Variants in SLC35F1 observed in about 807,000 individuals in gnomAD.
SLC35F1 encodes the protein chromosome 6 open reading frame 169.
In SLC35F1, 14 loss-of-function variants were observed where a neutral mutation model predicts 48.7. The ratio of observed to expected loss-of-function variants is 0.29; its 90% CI spans 0.19 to 0.45. The LOEUF (loss-of-function observed/expected upper bound fraction) is 0.45, where lower values mean the gene tolerates loss of function less well. SLC35F1 is among the 20% of genes least tolerant of loss of function. The pLI is 1.00. For missense variants in SLC35F1, 404 were observed against 500.0 expected, an observed-to-expected ratio of 0.81 and a Z score of 1.83; for synonymous variants, 190 against 202.2, an observed-to-expected ratio of 0.94 and a Z score of 0.51.
intron 1 of SLC35F1, among the ~76,000 whole-genome samples, chr6:118,147,247 G>A (rs145013765): frequency 6.6e-5 from 10 of 152,270 alleles, no homozygotes; most frequent in Non-Finnish European, 8.8e-5. Context: ...TCCCCTGCAC[G>A]TTCCAGTTGC....
In SLC35F1 at chr6:117,907,579, T is replaced by TGCCTCCCC. The variant is rs1775704460; in HGVS notation, c.-142_-135dup. 7.5e-6 allele frequency: 3 copies of TGCCTCCCC among 400,616 alleles called. No homozygotes were observed. The highest frequency in any genetic ancestry group is 1.3e-5 in the Non-Finnish European group (3 of 233,256). 24.8% of individuals were successfully genotyped at this position (400,616 alleles called of 1,614,324 possible). On this transcript the variant is annotated 5_prime_UTR_variant, in exon 1 of 8. Transcript: ENST00000360388. ...GGGCGGCGGCGGCCGTAGCCGCGGG[T>TGCCTCCCC]GCCTCCCCGCCTCACCGCTTCGCAG... is the stretch of plus-strand genomic sequence containing the variant.
chr6:118,035,192 C>G (rs1772108497), intron 1 of SLC35F1, among the ~76,000 whole-genome samples: 1 of 152,210 alleles, frequency 6.6e-6, no homozygotes, highest in African/African-American at 2.4e-5. Context: ...ATTCTCTTAT[C>G]TTTTAATGTC....
chr6:118,275,709 A>G lies in SLC35F1; in HGVS notation c.794+94A>G, dbSNP rs114647278. On this transcript the variant is annotated intron_variant, in intron 5 of 7. Transcript: ENST00000360388. ...CTTGGGATGTAAAAATCAAGGCTGG[A>G]ATCCAGACACCAGCTTCCTGTACAA... is the stretch of plus-strand genomic sequence containing the variant. The G allele has an allele frequency of 1.2e-3, 1,407 of 1,200,838 alleles. 10 individuals are homozygous for G. In the African/African-American group the frequency reaches 0.017, roughly 14 times the overall value. The allele number at this position is 1,200,838 out of a possible 1,614,324, so 74.4% of individuals were successfully genotyped here. A position where few individuals can be genotyped will look rare whatever the true frequency, so the allele number is the denominator to read the frequency against.
chr6:118,196,077 T>C (rs1441561923), intron 2 of SLC35F1, among the ~76,000 whole-genome samples: 1 of 152,174 alleles, frequency 6.6e-6, no homozygotes, highest in Non-Finnish European at 1.5e-5. Context: ...CAGAACAAAT[T>C]TGTAGACAAA....
At chr6:118,264,009 CT>C (rs1775742821) in intron 3 of SLC35F1, among the ~76,000 whole-genome samples, 1 of 152,230 alleles carries the variant, frequency 6.6e-6, no homozygotes, top group Non-Finnish European at 1.5e-5. Flanking sequence ...TATGACATAA[CT>C]TCTGCTGATA....
chr6:118,098,798 T>G (rs1773214501), intron 1 of SLC35F1, among the ~76,000 whole-genome samples: 1 of 152,160 alleles, frequency 6.6e-6, no homozygotes, highest in East Asian at 1.9e-4. Flanking sequence ...GTGAAAGAAA[T>G]AAGATAAGAC....
chr6:117,917,672 G>T (rs1445378324), intron 1 of SLC35F1, among the ~76,000 whole-genome samples: 1 of 152,156 alleles, frequency 6.6e-6, no homozygotes, highest in African/African-American at 2.4e-5. Context: ...AGGAATTAAA[G>T]AGTTTACTTT....
intron 1 of SLC35F1, among the ~76,000 whole-genome samples, chr6:118,139,152 G>T (rs1325568418): frequency 3.3e-5 from 5 of 152,122 alleles, no homozygotes; most frequent in Non-Finnish European, 7.4e-5. Context: ...TCGCTCTAGT[G>T]CCCAGGCTGG....
intron 1 of SLC35F1, among the ~76,000 whole-genome samples, chr6:117,971,231 C>T (rs1394090719): frequency 2.0e-5 from 3 of 152,310 alleles, no homozygotes; most frequent in East Asian, 1.9e-4. Flanking sequence ...GTCATTAAAC[C>T]TTCAAGTTCC....
At chr6:118,129,293 A>T (rs62423671) in intron 1 of SLC35F1, among the ~76,000 whole-genome samples, 1 of 152,054 alleles carries the variant, frequency 6.6e-6, no homozygotes, top group Admixed American at 6.6e-5. Flanking sequence ...AAGGAAGAGA[A>T]TGGGGTGAGT....
chr6:118,180,665 A>G (rs778556619), intron 2 of SLC35F1, among the ~76,000 whole-genome samples: 7 of 152,144 alleles, frequency 4.6e-5, no homozygotes, highest in African/African-American at 7.2e-5. Context: ...AGGACGCAGG[A>G]CAAAAATAGA....
chr6:118,070,129 C>T (rs1393378284), intron 1 of SLC35F1, among the ~76,000 whole-genome samples: 5 of 102,538 alleles, frequency 4.9e-5, no homozygotes, highest in Non-Finnish European at 8.8e-5. Flanking sequence ...GGCGACAGAG[C>T]GAGACTCCGT....
intron 2 of SLC35F1, among the ~76,000 whole-genome samples, chr6:118,219,565 G>C (rs544874633): frequency 6.6e-6 from 1 of 152,232 alleles, no homozygotes; most frequent in Non-Finnish European, 1.5e-5. Context: ...CTGTTGGTGG[G>C]ACTGTAGACC....
intron 1 of SLC35F1, among the ~76,000 whole-genome samples, chr6:118,133,247 A>G (rs1395114835): frequency 1.3e-5 from 2 of 152,164 alleles, no homozygotes; most frequent in Admixed American, 6.5e-5. Context: ...GATAGCAAAG[A>G]AAAAACAGAG....
chr6:117,997,669 A>G (rs1205841617), intron 1 of SLC35F1, among the ~76,000 whole-genome samples: 1 of 152,220 alleles, frequency 6.6e-6, no homozygotes, highest in Non-Finnish European at 1.5e-5. Context: ...ATATCCAGCC[A>G]AGCTAAGCTT....
chr6:118,315,805 C>G lies in SLC35F1; in HGVS notation c.*1553C>G, dbSNP rs752718144. 1.3e-5 allele frequency: 2 copies of G among 152,138 alleles called. No homozygotes were observed. The highest frequency in any genetic ancestry group is 2.9e-5 in the Non-Finnish European group (2 of 68,032). 9.4% of individuals were successfully genotyped at this position (152,138 alleles called of 1,614,324 possible). A position where few individuals can be genotyped will look rare whatever the true frequency, so the allele number is the denominator to read the frequency against. ...TGATAAGACCTTGAGTGATATGTCA[C>G]TAGTCTAATCTGTTGCCCTTAAAAT... On this transcript the variant is annotated 3_prime_UTR_variant, in exon 8 of 8. Transcript: ENST00000360388.
chr6:117,935,658 A>G (rs1170841748), intron 1 of SLC35F1, among the ~76,000 whole-genome samples: 1 of 152,180 alleles, frequency 6.6e-6, no homozygotes. Flanking sequence ...GAGGGTGAGC[A>G]TTTAAACAGT....
chr6:118,005,112 T>C (rs1582614281), intron 1 of SLC35F1, among the ~76,000 whole-genome samples: 1 of 152,130 alleles, frequency 6.6e-6, no homozygotes, highest in East Asian at 1.9e-4. Flanking sequence ...GACAATGTGA[T>C]GTATAGCTAG....
Position 118,106,566 on chromosome 6 carries a change from G to A in SLC35F1, c.174-47879G>A, listed in dbSNP as rs74322653. Reference sequence around the variant, plus strand: ...GCTCTCTCACGTGTACTACAAGGTAGCTATCTAATAAGTCTTACTGGTTTA... The same window carrying A: ...GCTCTCTCACGTGTACTACAAGGTAACTATCTAATAAGTCTTACTGGTTTA... On this transcript the variant is annotated intron_variant, in intron 1 of 7. Transcript: ENST00000360388. Among the ~76,000 whole-genome samples, 1,226 of 152,254 alleles carry A rather than the reference G, an allele frequency of 8.1e-3. 15 individuals carry two copies. The highest frequency in any genetic ancestry group is 0.028 in the African/African-American group (1,152 of 41,556).
Sources: gnomAD v4.1 joint callset for allele counts (sites outside exome capture counted in the v4.1 genomes callset) on GRCh38, gnomAD v4.1.1 for gene constraint, MANE v1.5 for transcripts, NCBI Gene and HGNC (gene_info 2026-07-23, HGNC 2026-07-21) for gene names.